Variants in PHACTR1 observed in about 807,000 individuals in gnomAD.
PHACTR1 encodes the protein phosphatase and actin regulator 1, also known as RPEL repeat containing 1.
In PHACTR1, 16 loss-of-function variants were observed where a neutral mutation model predicts 69.2. The observed-to-expected ratio is 0.23, with a 90% CI of 0.16 to 0.35. PHACTR1 has a LOEUF of 0.35. PHACTR1 is among the 10% of genes least tolerant of loss of function. The pLI, the probability that PHACTR1 is intolerant of heterozygous loss-of-function variation, is 1.00. For synonymous variants in PHACTR1, 312 were observed against 284.5 expected (o/e 1.10, Z -0.97); for missense variants, 510 against 734.7 (o/e 0.69, Z 3.54).
At chr6:13,081,818 C>A (rs553715152) in intron 5 of PHACTR1, among the ~76,000 whole-genome samples, 2 of 152,234 alleles carry the variant, frequency 1.3e-5, no homozygotes, top group Non-Finnish European at 2.9e-5. Context: ...TGGAGTAAGA[C>A]CCTGTCTCTA....
intron 3 of PHACTR1, among the ~76,000 whole-genome samples, chr6:12,743,937 A>G (rs1765421961): frequency 6.6e-6 from 1 of 152,184 alleles, no homozygotes; most frequent in African/African-American, 2.4e-5. Flanking sequence ...GTAAAAGAAC[A>G]GAAATTATAA....
chr6:12,774,810 T>G (rs577858294), intron 4 of PHACTR1, among the ~76,000 whole-genome samples: 2 of 152,158 alleles, frequency 1.3e-5, no homozygotes, highest in Non-Finnish European at 2.9e-5. Context: ...TGATAGTCAG[T>G]TTTCAGGAAA....
intron 5 of PHACTR1, among the ~76,000 whole-genome samples, chr6:13,118,523 G>GGC (rs1818165180): frequency 6.9e-6 from 1 of 145,702 alleles, no homozygotes; most frequent in African/African-American, 2.6e-5. Flanking sequence ...TTGTTGCCCA[G>GGC]GCTGGAGTGT....
intron 4 of PHACTR1, among the ~76,000 whole-genome samples, chr6:13,004,574 G>T (rs1256083222): frequency 6.6e-6 from 1 of 152,078 alleles, no homozygotes; most frequent in Non-Finnish European, 1.5e-5. Context: ...TTAAGTTATG[G>T]GATACATGTG....
chr6:12,955,192 C>CTT lies in PHACTR1; in HGVS notation c.251-98154_251-98153dup, dbSNP rs1161324144. ...ATCTATGGCTCACATTGTATTTCCT[C>CTT]TTTTTTTTTTTTTTTTTTTTGAGAG... On this transcript the variant is annotated intron_variant, in intron 4 of 14. Coordinates refer to ENST00000332995, the MANE Select transcript of PHACTR1 (RefSeq NM_030948.6). Among the ~76,000 whole-genome samples, 117 of 103,254 alleles carry CTT rather than the reference C, an allele frequency of 1.1e-3. 2 individuals are homozygous for CTT. The highest frequency in any genetic ancestry group is 5.6e-3 in the Middle Eastern group (1 of 178). The allele number at this position is 103,254 out of a possible 152,430, so 67.7% of individuals were successfully genotyped here.
At chr6:13,082,111 A>T (rs1008465710) in intron 5 of PHACTR1, among the ~76,000 whole-genome samples, 1 of 152,082 alleles carries the variant, frequency 6.6e-6, no homozygotes, top group African/African-American at 2.4e-5. Flanking sequence ...CATTTCACTG[A>T]TGGCCCCCCT....
intron 4 of PHACTR1, among the ~76,000 whole-genome samples, chr6:12,948,056 A>C (rs570709321): frequency 6.6e-6 from 1 of 152,256 alleles, no homozygotes; most frequent in Non-Finnish European, 1.5e-5. Flanking sequence ...TGCGCCATGA[A>C]CCTTTCCATA....
At chr6:12,882,327 G>A (rs903761866) in intron 4 of PHACTR1, among the ~76,000 whole-genome samples, 1 of 152,144 alleles carries the variant, frequency 6.6e-6, no homozygotes, top group Admixed American at 6.5e-5. Context: ...ATAAGAAGAG[G>A]ACTTTGCCCC....
At chr6:13,041,158 A>G (rs1171678915) in intron 4 of PHACTR1, among the ~76,000 whole-genome samples, 1 of 152,208 alleles carries the variant, frequency 6.6e-6, no homozygotes, top group Non-Finnish European at 1.5e-5. Context: ...TAACAGGACA[A>G]AAATAATACG....
chr6:13,109,595 G>T (rs1816703957), intron 5 of PHACTR1, among the ~76,000 whole-genome samples: 1 of 151,834 alleles, frequency 6.6e-6, no homozygotes, highest in South Asian at 2.1e-4. Flanking sequence ...GTTTGATTAA[G>T]GTATGCATTG....
chr6:12,757,216 A>G (rs1287629690), intron 4 of PHACTR1, among the ~76,000 whole-genome samples: 6 of 152,148 alleles, frequency 3.9e-5, no homozygotes. Flanking sequence ...CAATGCCCAT[A>G]TGGGGTGGGG....
chr6:13,266,909 G>T (rs1348071779), intron 10 of PHACTR1: 1 of 152,206 alleles, frequency 6.6e-6, no homozygotes, highest in Non-Finnish European at 1.5e-5. Context: ...ACGGCATCTG[G>T]CCCCTGCCCT....
chr6:13,120,497 T>C (rs1370473791), intron 5 of PHACTR1, among the ~76,000 whole-genome samples: 1 of 152,186 alleles, frequency 6.6e-6, no homozygotes, highest in African/African-American at 2.4e-5. Context: ...ACTTCTGTCT[T>C]CACAGGGTGG....
intron 4 of PHACTR1, among the ~76,000 whole-genome samples, chr6:12,784,148 T>A (rs1771190593): frequency 6.6e-6 from 1 of 152,044 alleles, no homozygotes; most frequent in South Asian, 2.1e-4. Flanking sequence ...TACATATGTA[T>A]CTATACACAT....
At chr6:12,955,898 G>A (rs62386821) in intron 4 of PHACTR1, among the ~76,000 whole-genome samples, 1 of 152,110 alleles carries the variant, frequency 6.6e-6, no homozygotes, top group African/African-American at 2.4e-5. Flanking sequence ...CATAAGAACA[G>A]TCATTACCCC....
chr6:13,135,197 C>A (rs1821362585), intron 5 of PHACTR1, among the ~76,000 whole-genome samples: 1 of 152,168 alleles, frequency 6.6e-6, no homozygotes, highest in Admixed American at 6.5e-5. Context: ...TCAGGATTTG[C>A]CACAAGAAAC....
intron 4 of PHACTR1, among the ~76,000 whole-genome samples, chr6:12,887,598 C>T (rs1783763647): frequency 6.6e-6 from 1 of 152,190 alleles, no homozygotes; most frequent in Non-Finnish European, 1.5e-5. Context: ...GGTTTTCTTA[C>T]TCATGCCCTC....
intron 6 of PHACTR1, among the ~76,000 whole-genome samples, chr6:13,168,642 C>T (rs779335433): frequency 1.2e-4 from 19 of 152,106 alleles, no homozygotes; most frequent in Non-Finnish European, 2.5e-4. Flanking sequence ...CATCACCCGC[C>T]GAGGCCTGGG....
chr6:12,728,353 A>G (rs1054592789), intron 3 of PHACTR1, among the ~76,000 whole-genome samples: 15 of 151,998 alleles, frequency 9.9e-5, no homozygotes, highest in Non-Finnish European at 1.8e-4. Flanking sequence ...ACCCTACACA[A>G]CTATTTAATT....
Sources: allele counts gnomAD v4.1 joint callset (sites outside exome capture counted in the v4.1 genomes callset), GRCh38; gene constraint gnomAD v4.1.1; transcripts MANE v1.5; gene names NCBI Gene and HGNC (gene_info 2026-07-23, HGNC 2026-07-21).